Variants in CRYZL1 observed in about 807,000 individuals in gnomAD.
CRYZL1 encodes ferry endosomal RAB5 effector complex subunit 4.
CRYZL1 carries 34 observed loss-of-function variants against 50.6 expected under a neutral mutation model. The observed-to-expected ratio is 0.67, with a 90% CI of 0.51 to 0.89. The LOEUF (loss-of-function observed/expected upper bound fraction) is 0.89. CRYZL1 is among the 40% of genes least tolerant of loss of function. The probability of loss-of-function intolerance (pLI) is 0.00; values close to 1 mark genes in which losing one functional copy is unlikely to be tolerated. For missense variants in CRYZL1, 354 were observed against 402.3 expected (o/e 0.88, Z 1.03); for synonymous variants, 125 against 134.3 (o/e 0.93, Z 0.48).
intron 1 of CRYZL1, chr21:33,640,265 C>T (rs2087264565): frequency 1.3e-6 from 2 of 1,530,426 alleles, no homozygotes; most frequent in East Asian, 2.5e-5. Context: ...TGGCGAACTA[C>T]CTCACTTTCA....
chr21:33,590,174 A>T (rs1340661526), intron 12 of CRYZL1, among the ~76,000 whole-genome samples: 2 of 151,868 alleles, frequency 1.3e-5, no homozygotes, highest in East Asian at 3.9e-4. Flanking sequence ...TGCACCATCA[A>T]GCCTGGCTAA....
At chr21:33,595,281 A>G in intron 11 of CRYZL1, 1 of 1,019,080 alleles carries the variant, frequency 9.8e-7, no homozygotes, top group Non-Finnish European at 1.3e-6. Context: ...AAAACACTCC[A>G]CAAACTCTTT....
intron 2 of CRYZL1, among the ~76,000 whole-genome samples, chr21:33,626,495 G>C (rs532224712): frequency 6.6e-6 from 1 of 151,498 alleles, no homozygotes; most frequent in African/African-American, 2.4e-5. Context: ...TCAGGAGTTT[G>C]AGACCAGCCT....
intron 6 of CRYZL1, among the ~76,000 whole-genome samples, chr21:33,606,872 G>T (rs1212544103): frequency 6.6e-6 from 1 of 150,782 alleles, no homozygotes; most frequent in African/African-American, 2.4e-5. Context: ...TTAGTCAGGC[G>T]TGGTGGCGCA....
At position 33,623,921 on chromosome 21, in the gene CRYZL1, G is replaced by C. The variant is rs539831176; in HGVS notation, c.144+762C>G. Among the ~76,000 whole-genome samples, 7 of 152,170 alleles carry C rather than the reference G, an allele frequency of 4.6e-5. No individual in the cohort carries two copies. The East Asian group carries it at 1.4e-3, about 29-fold the overall frequency. ...GAGGTAAAGATGTATGTTTATGAGA[G>C]AGCGACACAAAAAGAAATGACAAGA... On this transcript the variant is annotated intron_variant, in intron 3 of 12. Transcript: ENST00000381554.
chr21:33,614,791 C>T (rs2086910879), intron 5 of CRYZL1, among the ~76,000 whole-genome samples: 1 of 152,054 alleles, frequency 6.6e-6, no homozygotes, highest in African/African-American at 2.4e-5. Context: ...AGGCTGGTCT[C>T]GAACTCCTGA....
chr21:33,641,478 T>A (rs1296880122), intron 1 of CRYZL1, among the ~76,000 whole-genome samples: 2 of 151,938 alleles, frequency 1.3e-5, no homozygotes, highest in African/African-American at 4.8e-5. Context: ...CCCGTCAAGG[T>A]CCAGGAAACT....
chr21:33,609,441 A>G (rs1047359345), intron 6 of CRYZL1, among the ~76,000 whole-genome samples: 2 of 152,020 alleles, frequency 1.3e-5, no homozygotes, highest in Admixed American at 6.6e-5. Flanking sequence ...CTGGGACTAT[A>G]GGCACACACC....
intron 1 of CRYZL1, among the ~76,000 whole-genome samples, 179 bp from the exon 2 acceptor site, chr21:33,631,736 T>C: frequency 6.6e-6 from 1 of 152,202 alleles, no homozygotes; most frequent in East Asian, 1.9e-4. Flanking sequence ...CAACACTCTC[T>C]GGGCACCTGT....
chr21:33,611,986 A>C (rs1444824034), intron 6 of CRYZL1, among the ~76,000 whole-genome samples: 1 of 152,158 alleles, frequency 6.6e-6, no homozygotes, highest in Non-Finnish European at 1.5e-5. Context: ...ACTCATTTTC[A>C]CTGCTCAATA....
chr21:33,630,047 T>G (rs1195743441), intron 2 of CRYZL1, among the ~76,000 whole-genome samples: 1 of 152,184 alleles, frequency 6.6e-6, no homozygotes, highest in African/African-American at 2.4e-5. Context: ...TTGATTTACT[T>G]ATGTTGAACT....
rs114124171 is a variant in CRYZL1, at chr21:33,606,687, G to A, written c.332-3150C>T. On this transcript the variant is annotated intron_variant, in intron 6 of 12. Transcript: ENST00000381554. ...CAACACACTTGCTTTTGTGTTGGGG[G>A]TCCACAGGTGTTTATTATGTTATAA... 3.0e-3 allele frequency among the ~76,000 whole-genome samples: 454 copies of A among 151,562 alleles called. 2 individuals are homozygous for A. The highest frequency in any genetic ancestry group is 0.01 in the African/African-American group (424 of 41,310).
At chr21:33,609,534 C>T (rs1337387471) in intron 6 of CRYZL1, among the ~76,000 whole-genome samples, 1 of 151,990 alleles carries the variant, frequency 6.6e-6, no homozygotes. Flanking sequence ...TAGTCTCGGA[C>T]TCCTGAGCTC....
At chr21:33,603,636 G>T in intron 6 of CRYZL1, 99 bp from the exon 7 acceptor site, 1 of 1,366,928 alleles carries the variant, frequency 7.3e-7, no homozygotes, top group Non-Finnish European at 1.0e-6. Context: ...TATGGCCCTG[G>T]TCCAAGCCCC....
At chr21:33,629,433 T>G (rs1375614612) in intron 2 of CRYZL1, among the ~76,000 whole-genome samples, 1 of 152,182 alleles carries the variant, frequency 6.6e-6, no homozygotes, top group Non-Finnish European at 1.5e-5. Flanking sequence ...GGCTAATTTT[T>G]TGTATTTTTA....
At chr21:33,591,287 G>A (rs1392231112) in intron 11 of CRYZL1, 80 bp from the exon 12 acceptor site, 12 of 1,139,414 alleles carry the variant, frequency 1.1e-5, no homozygotes, top group Non-Finnish European at 1.5e-5. Context: ...TGCCAGGCAG[G>A]CCACTTTCTC....
chr21:33,614,171 C>CAA (rs1174565593), intron 5 of CRYZL1, among the ~76,000 whole-genome samples: 23,507 of 97,794 alleles, frequency 0.24, 2,706 homozygotes, highest in Non-Finnish European at 0.31. Context: ...GACTCTGTGT[C>CAA]AAAAAAAAAA....
intron 4 of CRYZL1, among the ~76,000 whole-genome samples, chr21:33,618,440 G>A (rs934279836): frequency 6.6e-6 from 1 of 152,156 alleles, no homozygotes; most frequent in Non-Finnish European, 1.5e-5. Context: ...ATTGTTGAAT[G>A]CCTCCTTGTG....
intron 1 of CRYZL1, among the ~76,000 whole-genome samples, chr21:33,636,907 C>T (rs1181068877): frequency 6.6e-6 from 1 of 152,092 alleles, no homozygotes; most frequent in Admixed American, 6.5e-5. Context: ...CCGGGGTTCA[C>T]GCCATTCTCC....
Sources: allele counts gnomAD v4.1 joint callset (sites outside exome capture counted in the v4.1 genomes callset), GRCh38; gene constraint gnomAD v4.1.1; transcripts MANE v1.5; gene names NCBI Gene and HGNC (gene_info 2026-07-23, HGNC 2026-07-21).